Variants in SEC16B observed in about 807,000 individuals in gnomAD.
The protein encoded by SEC16B is protein transport protein Sec16B.
In SEC16B, 115 loss-of-function variants were observed where a neutral mutation model predicts 141.8. The ratio of observed to expected loss-of-function variants is 0.81; its 90% CI spans 0.70 to 0.95. The LOEUF is 0.95. Ranked by LOEUF, SEC16B falls within the 40% of genes least tolerant of loss-of-function variation. The probability of loss-of-function intolerance (pLI) is 0.00; values close to 1 mark genes in which losing one functional copy is unlikely to be tolerated. For synonymous variants in SEC16B, 493 were observed against 492.5 expected (o/e 1.00, Z -0.01); for missense variants, 1,291 against 1,312.3 (o/e 0.98, Z 0.25).
At chr1:177,972,156 GT>G (rs1327693700), upstream of SEC16B, among the ~76,000 whole-genome samples, 1 of 152,086 alleles carries the variant, frequency 6.6e-6, no homozygotes, top group Non-Finnish European at 1.5e-5. Context: ...TATCTCTAGA[GT>G]TATTATGAAA....
At chr1:177,933,804 A>C (rs1650634179) in intron 20 of SEC16B, among the ~76,000 whole-genome samples, 168 bp from the exon 21 acceptor site, 1 of 152,180 alleles carries the variant, frequency 6.6e-6, no homozygotes, top group African/African-American at 2.4e-5. Context: ...GACTCACTGA[A>C]GGTCGCAGGA....
At chr1:177,931,171 C>A (rs893791671) in intron 24 of SEC16B, among the ~76,000 whole-genome samples, 1 of 152,178 alleles carries the variant, frequency 6.6e-6, no homozygotes, top group African/African-American at 2.4e-5. Flanking sequence ...GTGGAACCAA[C>A]CTAAGTGCCC....
At chr1:177,955,042 C>G (rs530316199) in intron 10 of SEC16B, among the ~76,000 whole-genome samples, 6 of 151,996 alleles carry the variant, frequency 3.9e-5, no homozygotes, top group Admixed American at 1.3e-4. Flanking sequence ...GCACAGAAAG[C>G]CCTAAAAACA....
Position 177,959,372 on chromosome 1 carries a change from C to T in SEC16B, c.999-397G>A, listed in dbSNP as rs986012950. 5.1e-5 allele frequency: 12 copies of T among 235,580 alleles called. 1 individual carries two copies. Among genetic ancestry groups the T allele is most frequent in the Admixed American group, 2.1e-4 (4 of 19,374 alleles). The allele number at this position is 235,580 out of a possible 1,614,324, so 14.6% of individuals were successfully genotyped here. A position where few individuals can be genotyped will look rare whatever the true frequency, so the allele number is the denominator to read the frequency against. On this transcript the variant is annotated intron_variant, in intron 8 of 25. Coordinates refer to ENST00000308284, the MANE Select transcript of SEC16B (RefSeq NM_033127.4). Reference sequence around the variant, plus strand: ...CCTAAAATAGGGACAGTAAAAGGACCTACCTCCATACAAAAAGGAATTAGA... The same window carrying T: ...CCTAAAATAGGGACAGTAAAAGGACTTACCTCCATACAAAAAGGAATTAGA...
chr1:177,932,785 G>A lies in SEC16B; in HGVS notation c.2845C>T (p.Pro949Ser). ...GAGAGGCCCAGGCCAGCCTGGTGGG[G>A]AGAAGATGCTCTGGGGGTCTCCTGC... ...DSEETPRASS[P>S]HQAGLGLSLT... Residue 949 changes from proline to serine, a missense_variant, in exon 23 of 26, where the codon CCC (proline) becomes TCC (serine). Pro to Ser is a moderately conservative substitution (Grantham distance 74, BLOSUM62 -1). Coordinates refer to ENST00000308284, the MANE Select transcript of SEC16B (RefSeq NM_033127.4). 3.1e-6 allele frequency: 5 copies of A among 1,612,608 alleles called. No homozygotes were observed. Among genetic ancestry groups the A allele is most frequent in the Non-Finnish European group, 4.2e-6 (5 of 1,179,530 alleles).
chr1:177,943,883 C>T (rs1175592151), intron 15 of SEC16B, among the ~76,000 whole-genome samples: 2 of 152,204 alleles, frequency 1.3e-5, no homozygotes, highest in Admixed American at 6.5e-5. Flanking sequence ...CAGTCATACT[C>T]GTAGGTGTGG....
Position 177,960,771 on chromosome 1 carries a change from G to C in SEC16B, c.936+20C>G. On this transcript the variant is annotated intron_variant, in intron 7 of 25. Coordinates refer to ENST00000308284, the MANE Select transcript of SEC16B (RefSeq NM_033127.4). ...GGTAAGCAGTGTGCCAGCATTCCAG[G>C]GACACTGGGTCTTCTTTACCTCCAT... 1 of 1,594,904 alleles carries C rather than the reference G, an allele frequency of 6.3e-7. No individual in the cohort carries two copies.
intron 19 of SEC16B, among the ~76,000 whole-genome samples, chr1:177,936,807 C>T (rs1184051623): frequency 6.6e-6 from 1 of 152,162 alleles, no homozygotes; most frequent in African/African-American, 2.4e-5. Context: ...CCTGAAGAAA[C>T]TCGGGACCAA....
chr1:177,981,771 T>C (rs778941111), intron 1 of SEC16B, among the ~76,000 whole-genome samples: 31 of 152,132 alleles, frequency 2.0e-4, no homozygotes, highest in Non-Finnish European at 4.4e-4. Context: ...TGCAGGACAA[T>C]GTACTGGAGG....
At chr1:177,960,517 T>C (rs925572731) in intron 7 of SEC16B, 114 bp from the exon 8 acceptor site, 10 of 785,932 alleles carry the variant, frequency 1.3e-5, no homozygotes, top group Non-Finnish European at 1.7e-5. Flanking sequence ...CTCAAGGCCT[T>C]GTGGAGAAAG....
intron 11 of SEC16B, among the ~76,000 whole-genome samples, chr1:177,952,488 C>G (rs529393509): frequency 6.6e-6 from 1 of 152,100 alleles, no homozygotes; most frequent in Non-Finnish European, 1.5e-5. Flanking sequence ...TGCTCACAAG[C>G]GCTAAATAGC....
intron 10 of SEC16B, 46 bp downstream of exon 10, chr1:177,958,086 T>G: frequency 7.7e-7 from 1 of 1,298,366 alleles, no homozygotes; most frequent in Non-Finnish European, 1.0e-6. Context: ...TGGAGAGGGA[T>G]GGTGATTGCT....
chr1:177,952,870 A>C (rs1409594529), intron 11 of SEC16B, among the ~76,000 whole-genome samples: 1 of 152,160 alleles, frequency 6.6e-6, no homozygotes, highest in Non-Finnish European at 1.5e-5. Flanking sequence ...AATAAAGTGC[A>C]CCGTGGTGTC....
Position 177,958,351 on chromosome 1 carries a change from C to A in SEC16B, c.1146G>T (p.Gly382=). ...GCATTAGCAGCTCAGCGATGTCAGA[C>A]CCCACCATGGACTGTAAGGCAAAGA... ...LLCRQNGSMV[G]SDIAELLMQD... Residue 382 remains glycine (G), a synonymous_variant, in exon 10 of 26, where the codon GGG becomes GGT. Transcript: ENST00000308284. The A allele has an allele frequency of 2.5e-6, 4 of 1,595,888 alleles. No homozygotes were observed. The highest frequency in any genetic ancestry group is 1.7e-5 in the Admixed American group (1 of 58,544).
At position 177,961,097 on chromosome 1, in the gene SEC16B, G is replaced by A. The variant is rs1287409278; in HGVS notation, c.788-158C>T. The A allele has an allele frequency of 4.2e-5, 30 of 711,444 alleles. No individual in the cohort carries two copies. In the East Asian group the frequency reaches 8.4e-4, roughly 20 times the overall value. 44.1% of individuals were successfully genotyped at this position (711,444 alleles called of 1,614,324 possible). ...TAATTAGAAGAAGCCCATGTTCCCT[G>A]CTCCAGTCAGATTTAAGCCTCTGAG... On this transcript the variant is annotated intron_variant, in intron 6 of 25. Transcript: ENST00000308284.
At chr1:177,966,474 A>T (rs1653526436) in intron 2 of SEC16B, among the ~76,000 whole-genome samples, 1 of 152,170 alleles carries the variant, frequency 6.6e-6, no homozygotes, top group Admixed American at 6.5e-5. Context: ...GATTACTTTT[A>T]TTGCCTCTGT....
Position 177,930,654 on chromosome 1 carries a change from A to G in SEC16B, c.3013-11T>C. The G allele has an allele frequency of 6.2e-7, 1 of 1,604,120 alleles. No individual in the cohort carries two copies. Among genetic ancestry groups the G allele is most frequent in the African/African-American group, 1.3e-5 (1 of 74,836 alleles). On this transcript the variant is annotated splice_polypyrimidine_tract_variant and intron_variant, in intron 24 of 25. Transcript: ENST00000308284. ...CTCAAAGGAAACACTCTGTGATGGA[A>G]AAGCATGGAAAATCCCATCAGTGCC... is the stretch of plus-strand genomic sequence containing the variant.
intron 10 of SEC16B, among the ~76,000 whole-genome samples, chr1:177,955,219 G>A (rs55924135): frequency 0.23 from 34,844 of 151,702 alleles, 4,110 homozygotes; most frequent in Middle Eastern, 0.29. Context: ...ATGCAGGCCC[G>A]GTGCGGTGGC....
At chr1:177,949,948 C>CA (rs10700670) in intron 12 of SEC16B, among the ~76,000 whole-genome samples, 19,364 of 148,578 alleles carry the variant, frequency 0.13, 2,940 homozygotes, top group African/African-American at 0.37. Context: ...TCTACTATTA[C>CA]AAAAAAAAAA....
Sources: gnomAD v4.1 joint callset for allele counts (sites outside exome capture counted in the v4.1 genomes callset) on GRCh38, gnomAD v4.1.1 for gene constraint, MANE v1.5 for transcripts, NCBI Gene and HGNC (gene_info 2026-07-23, HGNC 2026-07-21) for gene names.